Variants in RFX6 observed in about 807,000 individuals in gnomAD.
The protein encoded by RFX6 is regulatory factor X6.
In RFX6, 50 loss-of-function variants were observed where a neutral mutation model predicts 110.8. The ratio of observed to expected loss-of-function variants is 0.45; its 90% CI spans 0.36 to 0.57. RFX6 has a LOEUF of 0.57. Among genes scored for constraint, RFX6 ranks in the 20% least tolerant of loss-of-function variants. The pLI, the probability that RFX6 is intolerant of heterozygous loss-of-function variation, is 0.00. For synonymous variants in RFX6, 383 were observed against 411.2 expected (o/e 0.93, Z 0.83); for missense variants, 990 against 1,127.0 (o/e 0.88, Z 1.74).
rs971549899 is a variant in RFX6, at chr6:116,884,426, TA to T, written c.566+1999del. Among the ~76,000 whole-genome samples the T allele has an allele frequency of 9.4e-4, 143 of 152,290 alleles. 1 individual carries two copies. Among genetic ancestry groups the T allele is most frequent in the African/African-American group, 3.4e-3 (140 of 41,568 alleles). On this transcript the variant is annotated intron_variant, in intron 4 of 18. Coordinates refer to ENST00000332958, the MANE Select transcript of RFX6 (RefSeq NM_173560.4). Reference sequence around the variant, plus strand: ...AATTGATTGCAATTAATGTTAACATTATTGTGGCCTGGAAAGAATAAATAAA... The same window carrying T: ...AATTGATTGCAATTAATGTTAACATTTTGTGGCCTGGAAAGAATAAATAAA...
intron 6 of RFX6, among the ~76,000 whole-genome samples, chr6:116,902,680 T>C (rs562935777): frequency 2.6e-5 from 4 of 152,194 alleles, no homozygotes; most frequent in African/African-American, 9.6e-5. Flanking sequence ...AATGGGTCCA[T>C]TGATTTCATA....
intron 3 of RFX6, 54 bp downstream of exon 3, chr6:116,880,721 A>T (rs2114660576): frequency 6.3e-7 from 1 of 1,590,178 alleles, no homozygotes. Context: ...TGTCAGGCAG[A>T]TAGCATGAAA....
Position 116,877,284 on chromosome 6 carries a change from G to T in RFX6, c.9G>T (p.Lys3Asn). 3 of 1,610,382 alleles carry T rather than the reference G, an allele frequency of 1.9e-6. No homozygotes were observed. Among genetic ancestry groups the T allele is most frequent in the Non-Finnish European group, 2.5e-6 (3 of 1,178,720 alleles). ...GTCCGGCGGCCAGGAGGATGGCCAA[G>T]GTCCCGGAGCTGGAAGACACCTTCC... MA[K>N]VPELEDTFLQ... The change falls in exon 1 of 19, where the codon AAG (lysine) becomes AAT (asparagine). Residue 3 changes from lysine to asparagine, a missense_variant. Coordinates refer to ENST00000332958, the MANE Select transcript of RFX6 (RefSeq NM_173560.4).
In RFX6 at chr6:116,877,819, T is replaced by C; in HGVS notation, c.247T>C (p.Phe83Leu). Residue 83 changes from phenylalanine to leucine, a missense_variant, in exon 2 of 19, where the codon TTT becomes CTT. This residue lies in a region of RFX6 where 175 missense variants were observed against 162.3 expected (regional missense o/e 1.08). Coordinates refer to ENST00000332958, the MANE Select transcript of RFX6 (RefSeq NM_173560.4). ...KSEMHLNNGN[F>L]SSEEEDADNH... The stretch of plus-strand genomic sequence containing the variant: ...AGAAATGCACTTAAACAATGGTAAC[T>C]TTTCCTCTGAAGAAGAGGACGCCGA... 6.2e-7 allele frequency: 1 copy of C among 1,613,984 alleles called. No individual in the cohort carries two copies. The highest frequency in any genetic ancestry group is 8.5e-7 in the Non-Finnish European group (1 of 1,179,952).
intron 7 of RFX6, among the ~76,000 whole-genome samples, chr6:116,911,282 C>T (rs1348327299): frequency 6.6e-6 from 1 of 152,118 alleles, no homozygotes; most frequent in Non-Finnish European, 1.5e-5. Context: ...AAAGACTAAA[C>T]ATTATTTTTT....
intron 3 of RFX6, 127 bp from the exon 4 acceptor site, chr6:116,882,240 C>T: frequency 1.4e-6 from 1 of 722,472 alleles, no homozygotes; most frequent in South Asian, 1.5e-5. Flanking sequence ...TTACTTTTTC[C>T]AGACTAAGTA....
At chr6:116,880,720 G>A (rs1214171559) in intron 3 of RFX6, 53 bp downstream of exon 3, 1 of 1,592,260 alleles carries the variant, frequency 6.3e-7, no homozygotes, top group African/African-American at 1.3e-5. Context: ...ATGTCAGGCA[G>A]ATAGCATGAA....
At chr6:116,910,051 G>T (rs1775317436) in intron 6 of RFX6, among the ~76,000 whole-genome samples, 1 of 152,018 alleles carries the variant, frequency 6.6e-6, no homozygotes, top group African/African-American at 2.4e-5. Context: ...GTGCAGTCTA[G>T]AAATAAATGT....
chr6:116,888,726 A>G (rs1301731016), intron 4 of RFX6, among the ~76,000 whole-genome samples: 2 of 152,160 alleles, frequency 1.3e-5, no homozygotes, highest in Non-Finnish European at 2.9e-5. Context: ...TTTATTTAAC[A>G]TACACCAGCA....
At chr6:116,900,189 C>T (rs1189961685) in intron 6 of RFX6, among the ~76,000 whole-genome samples, 1 of 152,180 alleles carries the variant, frequency 6.6e-6, no homozygotes, top group African/African-American at 2.4e-5. Flanking sequence ...TTTGGAAGAT[C>T]TGCACCAAGT....
intron 2 of RFX6, among the ~76,000 whole-genome samples, chr6:116,880,223 T>C (rs1163314228): frequency 6.6e-6 from 1 of 152,042 alleles, no homozygotes; most frequent in Non-Finnish European, 1.5e-5. Context: ...TCACCATTCA[T>C]ATTTATATGT....
chr6:116,923,207 A>G lies in RFX6; in HGVS notation c.1538A>G (p.Asn513Ser). ...GARVMHNLTL[N>S]NASSFGSFHL... ...CGAGTAATGCATAATCTCACCTTGA[A>G]CAATGCATCCAGTTTTGGTAACATA... Residue 513 changes from asparagine to serine, a missense_variant, in exon 14 of 19, where the codon AAC becomes AGC. By Grantham distance (46) the Asn-to-Ser change is conservative. This residue lies in a region of RFX6 where 89 missense variants were observed against 140.3 expected (regional missense o/e 0.63). Transcript: ENST00000332958. 1 of 1,534,406 alleles carries G rather than the reference A, an allele frequency of 6.5e-7. No homozygotes were observed. The highest frequency in any genetic ancestry group is 9.0e-7 in the Non-Finnish European group (1 of 1,107,636).
At position 116,931,741 on chromosome 6, in the gene RFX6, A is replaced by T. The variant is rs1775891119; in HGVS notation, c.*235A>T. 2.3e-6 allele frequency: 1 copy of T among 432,934 alleles called. No homozygotes were observed. Among genetic ancestry groups the T allele is most frequent in the Non-Finnish European group, 4.1e-6 (1 of 244,056 alleles). The allele number at this position is 432,934 out of a possible 1,614,324, so 26.8% of individuals were successfully genotyped here. ...CATTATTAATCATAGTTTCAAAATTATCAAATAAAACCAGTGAAGATCTGA... is the reference window on the plus strand; with the variant it reads ...CATTATTAATCATAGTTTCAAAATTTTCAAATAAAACCAGTGAAGATCTGA... On this transcript the variant is annotated 3_prime_UTR_variant, in exon 19 of 19. Transcript: ENST00000332958.
At position 116,927,466 on chromosome 6, in the gene RFX6, A is replaced by G. The variant is rs1775771090; in HGVS notation, c.2325A>G (p.Gly775=). 1 of 1,614,010 alleles carries G rather than the reference A, an allele frequency of 6.2e-7. No homozygotes were observed. Among genetic ancestry groups the G allele is most frequent in the South Asian group, 1.1e-5 (1 of 91,086 alleles). ...ACAATATGCAGTTTTTAAATACAGG[A>G]AGCTTCAATTTCTTGAGCAACACAG... ...DSHNMQFLNT[G]SFNFLSNTGA... Residue 775 remains glycine, a synonymous_variant, in exon 17 of 19, where the codon GGA becomes GGG. Transcript: ENST00000332958.
intron 18 of RFX6, among the ~76,000 whole-genome samples, chr6:116,929,870 G>T (rs894178303): frequency 6.6e-6 from 1 of 152,152 alleles, no homozygotes; most frequent in African/African-American, 2.4e-5. Context: ...TCCTCACTCA[G>T]TGTACCTTCC....
At chr6:116,912,277 A>AG (rs1319043675) in intron 7 of RFX6, among the ~76,000 whole-genome samples, 1 of 152,132 alleles carries the variant, frequency 6.6e-6, no homozygotes, top group African/African-American at 2.4e-5. Flanking sequence ...TCCAAACCTC[A>AG]GCATCTCTTG....
chr6:116,881,534 T>G lies in RFX6; in HGVS notation c.505-833T>G, dbSNP rs115585967. On this transcript the variant is annotated intron_variant, in intron 3 of 18. Coordinates refer to ENST00000332958, the MANE Select transcript of RFX6 (RefSeq NM_173560.4). ...GAGAGTGTGATATTATACATTGTAA[T>G]CAGGTAACCTGGGTTCTAGCCTAGA... Among the ~76,000 whole-genome samples the G allele has an allele frequency of 7.0e-3, 1,061 of 152,216 alleles. 15 individuals are homozygous for G. Among genetic ancestry groups the G allele is most frequent in the African/African-American group, 0.024 (1,008 of 41,570 alleles).
intron 4 of RFX6, among the ~76,000 whole-genome samples, chr6:116,887,094 A>G (rs564520458): frequency 5.0e-4 from 76 of 152,234 alleles, no homozygotes; most frequent in African/African-American, 1.8e-3. Flanking sequence ...AAATAAAAAA[A>G]TAATAAAACA....
chr6:116,892,067 A>G (rs1476426399), intron 4 of RFX6, among the ~76,000 whole-genome samples: 1 of 152,248 alleles, frequency 6.6e-6, no homozygotes, highest in Non-Finnish European at 1.5e-5. Context: ...ATCATAAAAT[A>G]TCTTCATTTA....
Sources: gnomAD v4.1 joint callset for allele counts (sites outside exome capture counted in the v4.1 genomes callset) on GRCh38, gnomAD v4.1.1 for gene constraint, gnomAD v4.1.1 regional missense constraint, MANE v1.5 for transcripts, NCBI Gene and HGNC (gene_info 2026-07-23, HGNC 2026-07-21) for gene names.